Variants in GDF5 observed in about 807,000 individuals in gnomAD.
GDF5 encodes growth/differentiation factor 5.
In GDF5, 17 loss-of-function variants were observed where a neutral mutation model predicts 34.6. That is an observed-to-expected ratio of 0.49 (90% CI 0.34 to 0.74). The LOEUF (loss-of-function observed/expected upper bound fraction) is 0.74, where lower values mean the gene tolerates loss of function less well. GDF5 is among the 30% of genes least tolerant of loss of function. GDF5 has a pLI of 0.01. For synonymous variants in GDF5, 332 were observed against 290.7 expected, an observed-to-expected ratio of 1.14 and a Z score of -1.44; for missense variants, 616 against 661.2, an observed-to-expected ratio of 0.93 and a Z score of 0.75.
chr20:35,444,592 T>C (rs939269087), intron 1 of GDF5, among the ~76,000 whole-genome samples: 2 of 152,142 alleles, frequency 1.3e-5, no homozygotes, highest in African/African-American at 4.8e-5. Flanking sequence ...GATTTTCTTT[T>C]CTTTTTCTTT....
intron 1 of GDF5, among the ~76,000 whole-genome samples, chr20:35,451,050 A>ATATATATATAT (rs1289781571): frequency 0.054 from 3,081 of 56,926 alleles, 443 homozygotes; most frequent in Admixed American, 0.063. Flanking sequence ...CAGAAAAAAA[A>ATATATATATAT]AAAAAAAAAA....
intron 1 of GDF5, 146 bp from the exon 2 acceptor site, chr20:35,434,929 AC>A (rs1048160564): frequency 2.3e-6 from 2 of 860,478 alleles, no homozygotes; most frequent in Non-Finnish European, 4.0e-6. Flanking sequence ...CAAGAGCCAA[AC>A]CACTGAGAGC....
chr20:35,436,637 A>G (rs1260697717), intron 1 of GDF5, among the ~76,000 whole-genome samples: 1 of 152,166 alleles, frequency 6.6e-6, no homozygotes, highest in Non-Finnish European at 1.5e-5. Flanking sequence ...GACAGCATCT[A>G]AAGTTTTCAT....
rs142672753 is a variant in GDF5, at chr20:35,449,659, A to G, written c.-398+4981T>C. On this transcript the variant is annotated intron_variant, in intron 1 of 3. Coordinates refer to the GDF5 transcript ENST00000374372. The stretch of plus-strand genomic sequence containing the variant: ...GTGCATAACTCAACTTTTGGCACAC[A>G]GTAGGTGCTCAATCAATATTTTAAA... Among the ~76,000 whole-genome samples the G allele has an allele frequency of 4.6e-5, 7 of 152,294 alleles. No homozygotes were observed. The East Asian group carries it at 1.2e-3, about 25-fold the overall frequency.
intron 1 of GDF5, among the ~76,000 whole-genome samples, chr20:35,448,448 C>T (rs1216858777): frequency 2.2e-4 from 19 of 86,748 alleles, no homozygotes; most frequent in South Asian, 4.7e-4. Context: ...GCCCCCCCGA[C>T]TTTTTTTTTT....
At chr20:35,439,001 A>G (rs1298808854), upstream of GDF5, among the ~76,000 whole-genome samples, 2 of 151,884 alleles carry the variant, frequency 1.3e-5, no homozygotes, top group African/African-American at 4.8e-5. Context: ...ACTGAAAAAT[A>G]TCAGTGCCCA....
intron 1 of GDF5, among the ~76,000 whole-genome samples, chr20:35,444,815 G>A (rs572783155): frequency 2.0e-4 from 31 of 152,154 alleles, no homozygotes; most frequent in Admixed American, 4.6e-4. Context: ...GGCTGGTCTC[G>A]AACTCCTGAC....
At chr20:35,452,543 C>A (rs1038357874) in intron 1 of GDF5, among the ~76,000 whole-genome samples, 3 of 152,186 alleles carry the variant, frequency 2.0e-5, no homozygotes, top group African/African-American at 7.2e-5. Flanking sequence ...CTGCCTCAGC[C>A]TCCCGAGTAG....
Position 35,450,534 on chromosome 20 carries a change from C to CT in GDF5, c.-398+4105dup, listed in dbSNP as rs1297713080. On this transcript the variant is annotated intron_variant, in intron 1 of 3. Transcript: ENST00000374372. Reference sequence around the variant, plus strand: ...AGTCTTCTTTGAACCAGTGTAATAGCTGGCTTAGTGCTTTCTGGGCCTCGC... The same window carrying CT: ...AGTCTTCTTTGAACCAGTGTAATAGCTTGGCTTAGTGCTTTCTGGGCCTCGC... Among the ~76,000 whole-genome samples, 5 of 152,168 alleles carry CT rather than the reference C, an allele frequency of 3.3e-5. No homozygotes were observed. The East Asian group carries it at 7.7e-4, about 24-fold the overall frequency.
At chr20:35,452,544 T>G (rs1054198135) in intron 1 of GDF5, among the ~76,000 whole-genome samples, 1 of 152,180 alleles carries the variant, frequency 6.6e-6, no homozygotes, top group Non-Finnish European at 1.5e-5. Context: ...TGCCTCAGCC[T>G]CCCGAGTAGC....
intron 1 of GDF5, chr20:35,435,053 T>G (rs1012907898): frequency 9.6e-5 from 59 of 616,676 alleles, no homozygotes; most frequent in Non-Finnish European, 1.7e-4. Context: ...GATATACGTG[T>G]TATCAGAGAT....
chr20:35,448,111 A>G (rs2062519404), intron 1 of GDF5, among the ~76,000 whole-genome samples: 1 of 152,056 alleles, frequency 6.6e-6, no homozygotes, highest in African/African-American at 2.4e-5. Context: ...TCACACCCCA[A>G]TCTCTCTAAT....
intron 1 of GDF5, among the ~76,000 whole-genome samples, chr20:35,454,347 G>C (rs2062556883): frequency 6.6e-6 from 1 of 152,054 alleles, no homozygotes. Context: ...CCAGCTACTC[G>C]GGAGGCTGAG....
chr20:35,451,068 T>TATATATATATATATATATATAA (rs2062530932), intron 1 of GDF5, among the ~76,000 whole-genome samples: 7 of 31,592 alleles, frequency 2.2e-4, no homozygotes, highest in Admixed American at 1.4e-3. Context: ...AAAAAAAATA[T>TATATATATATATATATATATAA]ATATATATAT....
upstream of GDF5, among the ~76,000 whole-genome samples, chr20:35,438,841 G>T (rs1237510720): frequency 1.2e-4 from 3 of 24,340 alleles, no homozygotes; most frequent in Non-Finnish European, 4.2e-4. Context: ...GTGTGTGTGT[G>T]TGTGTGTGTG....
Position 35,437,602 on chromosome 20 carries a change from T to A in GDF5, c.327A>T (p.Gly109=). Residue 109 remains glycine (G), a synonymous_variant, in exon 1 of 2, where the codon GGA becomes GGT. Coordinates refer to ENST00000374369, the MANE Select transcript of GDF5 (RefSeq NM_000557.5). The part of the protein sequence containing the change: ...PRPGGPEPKP[G]HPPQTRQATA... ...TAGCCTGCCTTGTTTGGGGAGGGTGTCCTGGCTTGGGTTCAGGGCCGCCCG... is the reference window on the plus strand; with the variant it reads ...TAGCCTGCCTTGTTTGGGGAGGGTGACCTGGCTTGGGTTCAGGGCCGCCCG... The A allele has an allele frequency of 6.2e-7, 1 of 1,614,082 alleles. No homozygotes were observed. The highest frequency in any genetic ancestry group is 8.5e-7 in the Non-Finnish European group (1 of 1,180,000).
Position 35,450,002 on chromosome 20 carries a change from A to G in GDF5, c.-398+4638T>C, listed in dbSNP as rs377143086. On this transcript the variant is annotated intron_variant, in intron 1 of 3. Transcript: ENST00000374372. ...AAACCCTGTCTCTTAAAAAAAAAAA[A>G]AGAGAGAGAGAGAGAATGGGCCGGG... Among the ~76,000 whole-genome samples the G allele has an allele frequency of 4.6e-3, 686 of 150,712 alleles. 7 individuals carry two copies. Among genetic ancestry groups the G allele is most frequent in the East Asian group, 0.013 (66 of 5,144 alleles).
In GDF5 at chr20:35,451,054, A is replaced by ATATATATATATATATAT. The variant is rs2062530183; in HGVS notation, c.-398+3585_-398+3586insATATATATATATATATA. ...TTTTAGACTAACAGAAAAAAAAAAA[A>ATATATATATATATATAT]AAAAAAAAAAATATATATATATATA... is the stretch of plus-strand genomic sequence containing the variant. On this transcript the variant is annotated intron_variant, in intron 1 of 3. Transcript: ENST00000374372. Among the ~76,000 whole-genome samples the ATATATATATATATATAT allele has an allele frequency of 5.9e-4, 29 of 49,152 alleles. 3 individuals carry two copies. The highest frequency in any genetic ancestry group is 6.8e-4 in the Non-Finnish European group (19 of 27,930). The allele number at this position is 49,152 out of a possible 152,430, so 32.2% of individuals were successfully genotyped here.
At chr20:35,441,020 C>A (rs2062495718), upstream of GDF5, among the ~76,000 whole-genome samples, 1 of 152,206 alleles carries the variant, frequency 6.6e-6, no homozygotes, top group African/African-American at 2.4e-5. Flanking sequence ...AATTGTCTTG[C>A]CACTTCTTAA....
Sources: gnomAD v4.1 joint callset for allele counts (sites outside exome capture counted in the v4.1 genomes callset) on GRCh38, gnomAD v4.1.1 for gene constraint, MANE v1.5 for transcripts, NCBI Gene and HGNC (gene_info 2026-07-23, HGNC 2026-07-21) for gene names.